AGBL1: variants seen among roughly 807,000 people sequenced by gnomAD.
AGBL1 encodes the protein AGBL carboxypeptidase 1, also known as cytosolic carboxypeptidase 4.
In AGBL1, 130 loss-of-function variants were observed where a neutral mutation model predicts 118.9. The observed-to-expected ratio is 1.09, with a 90% CI of 0.95 to 1.26. AGBL1 has a LOEUF of 1.26. Ranked by LOEUF, AGBL1 falls within the 50% of genes most tolerant of loss-of-function variation. The pLI, the probability that AGBL1 is intolerant of heterozygous loss-of-function variation, is 0.00. For synonymous variants in AGBL1, 555 were observed against 478.9 expected, an observed-to-expected ratio of 1.16 and a Z score of -2.08; for missense variants, 1,584 against 1,298.1, an observed-to-expected ratio of 1.22 and a Z score of -3.38.
chr15:86,116,602 A>G (rs1239486924), intron 1 of AGBL1: 1 of 152,494 alleles, frequency 6.6e-6, no homozygotes, highest in Admixed American at 6.5e-5. Context: ...GAGCTGGGAC[A>G]TTGGACACTT....
intron 18 of AGBL1, among the ~76,000 whole-genome samples, chr15:86,426,016 G>C (rs2081862533): frequency 6.6e-6 from 1 of 152,002 alleles, no homozygotes; most frequent in Non-Finnish European, 1.5e-5. Context: ...CAACCCCATG[G>C]GAGAGGTAGC....
intron 24 of AGBL1, among the ~76,000 whole-genome samples, chr15:86,993,792 C>T (rs771107869): frequency 6.6e-6 from 1 of 152,130 alleles, no homozygotes; most frequent in Non-Finnish European, 1.5e-5. Flanking sequence ...ATGTCAGATC[C>T]CCTTCTCAGT....
chr15:87,013,632 A>G (rs981366036), intron 24 of AGBL1, among the ~76,000 whole-genome samples: 20 of 152,172 alleles, frequency 1.3e-4, no homozygotes. Context: ...GACAATTATT[A>G]GACACTTGAT....
At chr15:86,446,311 T>A (rs1379969159) in intron 18 of AGBL1, among the ~76,000 whole-genome samples, 2 of 151,248 alleles carry the variant, frequency 1.3e-5, no homozygotes, top group Non-Finnish European at 2.9e-5. Flanking sequence ...TGCACAGTTG[T>A]TCTGTTCTTT....
At chr15:86,640,345 A>G (rs992077578) in intron 21 of AGBL1, among the ~76,000 whole-genome samples, 2 of 152,224 alleles carry the variant, frequency 1.3e-5, no homozygotes, top group African/African-American at 4.8e-5. Flanking sequence ...TGATTGGAAG[A>G]GCAATCAGAT....
intron 18 of AGBL1, among the ~76,000 whole-genome samples, chr15:86,419,737 AG>A (rs1430183463): frequency 6.6e-6 from 1 of 152,200 alleles, no homozygotes; most frequent in Non-Finnish European, 1.5e-5. Flanking sequence ...CTGCCAGCAC[AG>A]CAGTCTGAAG....
In AGBL1 at chr15:86,256,990, C is replaced by G. The variant is rs1874743158; in HGVS notation, c.873C>G (p.Thr291=). 3.7e-6 allele frequency: 6 copies of G among 1,613,928 alleles called. No individual in the cohort carries two copies. Among genetic ancestry groups the G allele is most frequent in the Non-Finnish European group, 5.1e-6 (6 of 1,179,844 alleles). ...CCTTCCCGGTCCCCGGGTGCATCAC[C>G]ACTGAACCTCCACATGATCTACCTG... ...AYAFPVPGCI[T]TEPPHDLPEE... is the part of the protein sequence containing the mutation. The change falls in exon 8 of 23, where the codon ACC becomes ACG. Residue 291 remains threonine (T), a synonymous_variant. Transcript: ENST00000614907.
At chr15:86,471,573 G>A (rs776564803) in intron 18 of AGBL1, among the ~76,000 whole-genome samples, 3 of 149,530 alleles carry the variant, frequency 2.0e-5, no homozygotes, top group Non-Finnish European at 4.4e-5. Flanking sequence ...AAATGAATTT[G>A]GAAGCATTCA....
chr15:86,556,029 C>T (rs1021457151), intron 21 of AGBL1, among the ~76,000 whole-genome samples: 1 of 152,196 alleles, frequency 6.6e-6, no homozygotes, highest in Non-Finnish European at 1.5e-5. Flanking sequence ...CTCCATGTAA[C>T]TCTTCAAAGA....
intron 18 of AGBL1, among the ~76,000 whole-genome samples, chr15:86,454,786 T>G (rs991218277): frequency 3.3e-5 from 5 of 152,126 alleles, no homozygotes; most frequent in Non-Finnish European, 7.4e-5. Flanking sequence ...GATAAAAAAT[T>G]TTATATCTTG....
chr15:86,800,613 G>T (rs896070459), intron 22 of AGBL1, among the ~76,000 whole-genome samples: 4 of 152,078 alleles, frequency 2.6e-5, no homozygotes, highest in African/African-American at 9.7e-5. Flanking sequence ...GTTTTCAGGA[G>T]ATTTTTAAAA....
chr15:86,404,569 G>C (rs1251499231), intron 18 of AGBL1, among the ~76,000 whole-genome samples: 4 of 152,142 alleles, frequency 2.6e-5, no homozygotes, highest in African/African-American at 7.2e-5. Context: ...GGATTTCACA[G>C]ATCTGTTGAA....
intron 21 of AGBL1, among the ~76,000 whole-genome samples, chr15:86,570,592 A>G (rs2083991516): frequency 6.6e-6 from 1 of 152,176 alleles, no homozygotes; most frequent in Non-Finnish European, 1.5e-5. Flanking sequence ...TTAATATGTT[A>G]ATGAGCATAT....
intron 24 of AGBL1, among the ~76,000 whole-genome samples, chr15:87,015,368 C>T (rs1421830170): frequency 6.6e-6 from 1 of 152,074 alleles, no homozygotes; most frequent in Non-Finnish European, 1.5e-5. Flanking sequence ...GTCTGTCTAT[C>T]TATCTATCTA....
intron 22 of AGBL1, among the ~76,000 whole-genome samples, chr15:86,751,975 A>G (rs900648581): frequency 3.3e-5 from 5 of 152,132 alleles, no homozygotes; most frequent in South Asian, 2.1e-4. Context: ...CCCTCAATCT[A>G]AGTTGTTCTG....
intron 23 of AGBL1, among the ~76,000 whole-genome samples, chr15:86,943,176 C>T (rs995147018): frequency 6.6e-6 from 1 of 152,108 alleles, no homozygotes; most frequent in Admixed American, 6.6e-5. Context: ...TAACCTAAGT[C>T]TCATACAAAT....
intron 17 of AGBL1, among the ~76,000 whole-genome samples, chr15:86,382,132 C>A (rs1244911240): frequency 6.6e-6 from 1 of 152,010 alleles, no homozygotes; most frequent in Non-Finnish European, 1.5e-5. Context: ...AGGGTACCTT[C>A]CCCACATCAG....
At chr15:87,020,344 A>T (rs1255141005) in intron 24 of AGBL1, among the ~76,000 whole-genome samples, 1 of 152,164 alleles carries the variant, frequency 6.6e-6, no homozygotes, top group Non-Finnish European at 1.5e-5. Context: ...AACTGAAGGA[A>T]CATACCTTAA....
chr15:86,874,224 G>A (rs967348833), intron 22 of AGBL1, among the ~76,000 whole-genome samples: 2 of 151,972 alleles, frequency 1.3e-5, no homozygotes, highest in African/African-American at 4.8e-5. Context: ...CACAGGGCAT[G>A]GTAACTGTCC....
Sources: gnomAD v4.1 joint callset for allele counts (sites outside exome capture counted in the v4.1 genomes callset) on GRCh38, gnomAD v4.1.1 for gene constraint, MANE v1.5 for transcripts, NCBI Gene and HGNC (gene_info 2026-07-23, HGNC 2026-07-21) for gene names.